The following MARCHF1 variants were observed in gnomAD, a reference collection of about 807,000 sequenced individuals.
MARCHF1 encodes membrane associated ring-CH-type finger 1.
Under a neutral mutation model 54.2 loss-of-function variants are expected in MARCHF1, and 40 were observed. The ratio of observed to expected loss-of-function variants is 0.74; its 90% CI spans 0.57 to 0.96. MARCHF1 has a LOEUF of 0.96. Ranked by LOEUF, MARCHF1 falls within the 40% of genes least tolerant of loss-of-function variation. MARCHF1 has a pLI of 0.00. For missense variants in MARCHF1, 586 were observed against 656.5 expected, an observed-to-expected ratio of 0.89 and a Z score of 1.17; for synonymous variants, 236 against 236.3, an observed-to-expected ratio of 1.00 and a Z score of 0.01.
At position 163,527,817 on chromosome 4, in the gene MARCHF1, A is replaced by C. The variant is rs1738179949; in HGVS notation, c.*931T>G. On this transcript the variant is annotated 3_prime_UTR_variant, in exon 10 of 10. Coordinates refer to ENST00000514618, the MANE Select transcript of MARCHF1 (RefSeq NM_001394959.1). ...TTGGTTCAAGAAACAGATGTAAACT[A>C]TCAATCAATCAATCAATTTTTTATA... 1 of 142,128 alleles carries C rather than the reference A, an allele frequency of 7.0e-6. No individual in the cohort carries two copies. Among genetic ancestry groups the C allele is most frequent in the African/African-American group, 2.6e-5 (1 of 39,106 alleles). The allele number at this position is 142,128 out of a possible 1,614,324, so 8.8% of individuals were successfully genotyped here.
Position 163,528,875 on chromosome 4 carries a change from A to C in MARCHF1, c.1511T>G (p.Leu504Arg), listed in dbSNP as rs777041087. The change falls in exon 10 of 10, where the codon CTG (leucine) becomes CGG (arginine). Residue 504 changes from leucine to arginine, a missense_variant. Physicochemically the swap from Leu to Arg is moderately radical, Grantham distance 102. Around this residue, in one of 3 missense-constraint regions of MARCHF1, gnomAD observed 106 missense variants for 93.8 expected, o/e 1.13. Coordinates refer to ENST00000514618, the MANE Select transcript of MARCHF1 (RefSeq NM_001394959.1). ...TACATTACATGAGAAGTTCTTCTCC[A>C]GTTTTTTGGCAGTGTCTGGGCAATT... Reference protein sequence around the residue: ...VQNCPDTAKKLEKNFSCNVNT... With the variant: ...VQNCPDTAKKREKNFSCNVNT... The C allele has an allele frequency of 6.2e-7, 1 of 1,613,384 alleles. No homozygotes were observed. Among genetic ancestry groups the C allele is most frequent in the Non-Finnish European group, 8.5e-7 (1 of 1,179,580 alleles).
At chr4:164,129,151 C>G (rs751426783) in intron 1 of MARCHF1, among the ~76,000 whole-genome samples, 1 of 152,154 alleles carries the variant, frequency 6.6e-6, no homozygotes, top group East Asian at 1.9e-4. Flanking sequence ...GTTATTTTAG[C>G]AAAAGATAAG....
chr4:163,788,271 A>T (rs576298779), intron 4 of MARCHF1, among the ~76,000 whole-genome samples: 46 of 152,122 alleles, frequency 3.0e-4, no homozygotes, highest in African/African-American at 1.1e-3. Context: ...AACTAATTTT[A>T]GGTTTATAGA....
intron 3 of MARCHF1, among the ~76,000 whole-genome samples, chr4:163,982,077 A>G (rs1226313501): frequency 6.6e-6 from 1 of 152,240 alleles, no homozygotes; most frequent in Non-Finnish European, 1.5e-5. Flanking sequence ...AACAAGAAAA[A>G]TTAATGTGAA....
intron 1 of MARCHF1, among the ~76,000 whole-genome samples, chr4:164,276,566 C>T (rs1216654860): frequency 3.3e-5 from 5 of 150,820 alleles, no homozygotes; most frequent in Non-Finnish European, 7.4e-5. Flanking sequence ...ATATAAATTA[C>T]AATGATATAA....
At chr4:164,046,523 A>G (rs1269855541) in intron 2 of MARCHF1, among the ~76,000 whole-genome samples, 1 of 152,220 alleles carries the variant, frequency 6.6e-6, no homozygotes, top group Non-Finnish European at 1.5e-5. Context: ...ATGTGAATGT[A>G]ATAATCATCT....
At chr4:164,032,259 T>C (rs1036103467) in intron 2 of MARCHF1, among the ~76,000 whole-genome samples, 3 of 152,140 alleles carry the variant, frequency 2.0e-5, no homozygotes, top group African/African-American at 7.2e-5. Context: ...GGGTACCTAT[T>C]ATATTAATTA....
At chr4:164,038,394 G>C (rs1373038402) in intron 2 of MARCHF1, among the ~76,000 whole-genome samples, 1 of 152,220 alleles carries the variant, frequency 6.6e-6, no homozygotes, top group Non-Finnish European at 1.5e-5. Flanking sequence ...TTGGGAGGCT[G>C]AGGCAGGAGA....
chr4:163,854,073 C>T lies in MARCHF1; in HGVS notation c.59G>A (p.Arg20Gln), dbSNP rs1448736424. 9.1e-6 allele frequency: 14 copies of T among 1,536,712 alleles called. No homozygotes were observed. Among genetic ancestry groups the T allele is most frequent in the Admixed American group, 2.0e-5 (1 of 50,958 alleles). ...CAAATCCCCTGAGATCTCGGGTGTT[C>T]GCGTGTTGTTTGGAATTCTGTGAGG... ...RNPHRIPNNT[R>Q]TPEISGDLAD... Residue 20 changes from arginine (R) to glutamine (Q), a missense_variant, in exon 4 of 10, where the codon CGA (arginine) becomes CAA (glutamine). By Grantham distance (43) the Arg-to-Gln change is conservative. Transcript: ENST00000514618.
At chr4:164,297,128 G>C (rs1734432834) in intron 1 of MARCHF1, among the ~76,000 whole-genome samples, 1 of 152,106 alleles carries the variant, frequency 6.6e-6, no homozygotes, top group Non-Finnish European at 1.5e-5. Context: ...ATTGACTATA[G>C]AAAATATGTA....
intron 1 of MARCHF1, among the ~76,000 whole-genome samples, chr4:164,213,514 C>T (rs1216093849): frequency 4.0e-5 from 6 of 151,866 alleles, no homozygotes; most frequent in African/African-American, 9.7e-5. Flanking sequence ...GGATTACAGG[C>T]GTGAGCCATC....
In MARCHF1 at chr4:163,594,119, C is replaced by T. The variant is rs186277494; in HGVS notation, c.1011-8190G>A. Among the ~76,000 whole-genome samples, 21 of 151,942 alleles carry T rather than the reference C, an allele frequency of 1.4e-4. No individual in the cohort carries two copies. The East Asian group carries it at 3.1e-3, about 22-fold the overall frequency. ...TGAAAGATCATCTCAGATTGGGGAC[C>T]GGGGGAGGGTAGAAAGTTTAATGGA... On this transcript the variant is annotated intron_variant, in intron 7 of 9. Transcript: ENST00000514618.
intron 7 of MARCHF1, among the ~76,000 whole-genome samples, chr4:163,589,070 G>GAAA (rs34118569): frequency 0.015 from 1,871 of 128,002 alleles, 42 homozygotes; most frequent in African/African-American, 0.05. Flanking sequence ...TGTCTTATTT[G>GAAA]AAAAAAAAAA....
intron 5 of MARCHF1, 96 bp from the exon 6 acceptor site, chr4:163,613,489 C>G: frequency 6.2e-7 from 1 of 1,611,674 alleles, no homozygotes; most frequent in Non-Finnish European, 8.5e-7. Flanking sequence ...TTACAACAAA[C>G]GTGGCTGCTG....
intron 5 of MARCHF1, among the ~76,000 whole-genome samples, chr4:163,676,251 G>C (rs1163762916): frequency 6.6e-6 from 1 of 151,578 alleles, no homozygotes; most frequent in African/African-American, 2.4e-5. Flanking sequence ...CAGGTACTAG[G>C]GAGGCTGAGG....
At chr4:163,620,019 A>G (rs1741628985) in intron 5 of MARCHF1, among the ~76,000 whole-genome samples, 1 of 152,162 alleles carries the variant, frequency 6.6e-6, no homozygotes, top group Admixed American at 6.6e-5. Context: ...TGCATATATG[A>G]TAGCCAAATA....
At chr4:164,217,587 T>C (rs1239618729) in intron 1 of MARCHF1, among the ~76,000 whole-genome samples, 1 of 152,188 alleles carries the variant, frequency 6.6e-6, no homozygotes, top group Non-Finnish European at 1.5e-5. Context: ...ACAAATGACT[T>C]ATGTTATGAC....
Position 163,700,847 on chromosome 4 carries a change from C to G in MARCHF1, c.128G>C (p.Gly43Ala). The G allele has an allele frequency of 6.5e-7, 1 of 1,535,938 alleles. No individual in the cohort carries two copies. Among genetic ancestry groups the G allele is most frequent in the Non-Finnish European group, 8.7e-7 (1 of 1,146,284 alleles). Residue 43 changes from glycine to alanine, a missense_variant, in exon 5 of 10, where the codon GGG (glycine) becomes GCG (alanine). Around this residue, in one of 3 missense-constraint regions of MARCHF1, gnomAD observed 387 missense variants for 394.6 expected, o/e 0.98. Coordinates refer to ENST00000514618, the MANE Select transcript of MARCHF1 (RefSeq NM_001394959.1). ...QTSTLNEKSP[G>A]RSASRSSNIS... Reference sequence around the variant, plus strand: ...GTTACTTGATCGACTTGCAGATCGCCCTGGGGATTTTTCATTCTGAAAAAT... The same window carrying G: ...GTTACTTGATCGACTTGCAGATCGCGCTGGGGATTTTTCATTCTGAAAAAT...
chr4:164,379,329 G>GA (rs377435098), intron 1 of MARCHF1, among the ~76,000 whole-genome samples: 92 of 150,822 alleles, frequency 6.1e-4, no homozygotes, highest in Non-Finnish European at 1.0e-3. Context: ...AGCACAGAGA[G>GA]AAAAAAAAAG....
Sources: allele counts gnomAD v4.1 joint callset (sites outside exome capture counted in the v4.1 genomes callset), GRCh38; gene constraint gnomAD v4.1.1; regional missense constraint gnomAD v4.1.1; transcripts MANE v1.5; gene names NCBI Gene and HGNC (gene_info 2026-07-23, HGNC 2026-07-21).